NHP2: variants seen among roughly 807,000 people sequenced by gnomAD.
NHP2 encodes H/ACA ribonucleoprotein complex subunit 2.
NHP2 carries 10 observed loss-of-function variants against 16.7 expected under a neutral mutation model. The ratio of observed to expected loss-of-function variants is 0.60; its 90% CI spans 0.37 to 1.01. NHP2 has a LOEUF of 1.01. NHP2 is among the 50% of genes least tolerant of loss of function. The pLI is 0.01. For missense variants in NHP2, 184 were observed against 198.3 expected (o/e 0.93, Z 0.43); for synonymous variants, 87 against 78.9 (o/e 1.10, Z -0.54).
intron 2 of NHP2, 82 bp from the exon 3 acceptor site, chr5:178,151,075 G>T (rs1253532652): frequency 1.7e-6 from 2 of 1,195,682 alleles, no homozygotes; most frequent in African/African-American, 1.5e-5. Context: ...CTGGGTCTTA[G>T]GGATAGAGAC....
At chr5:178,150,016 G>C in intron 3 of NHP2, 178 bp from the exon 4 acceptor site, 1 of 626,680 alleles carries the variant, frequency 1.6e-6, no homozygotes, top group Non-Finnish European at 2.7e-6. Context: ...AGACTTTGAA[G>C]GCATGGTCCA....
At position 178,149,861 on chromosome 5, in the gene NHP2, G is replaced by T. The variant is rs1345679389; in HGVS notation, c.337-23C>A. 5 of 1,611,342 alleles carry T rather than the reference G, an allele frequency of 3.1e-6. No individual in the cohort carries two copies. In the African/African-American group the frequency reaches 6.7e-5, roughly 22 times the overall value. ...GTCCTACAGAGGGGAAAGAAGTGCTGTTTGGAAAAAAGCTGTACAACCTGT... is the reference window on the plus strand; with the variant it reads ...GTCCTACAGAGGGGAAAGAAGTGCTTTTTGGAAAAAAGCTGTACAACCTGT... On this transcript the variant is annotated intron_variant, in intron 3 of 3. Transcript: ENST00000274606.
At position 178,149,868 on chromosome 5, in the gene NHP2, A is replaced by G. The variant is rs770801671; in HGVS notation, c.337-30T>C. On this transcript the variant is annotated intron_variant, in intron 3 of 3. Transcript: ENST00000274606. ...AGAGGGGAAAGAAGTGCTGTTTGGAAAAAAGCTGTACAACCTGTATGCCAG... is the reference window on the plus strand; with the variant it reads ...AGAGGGGAAAGAAGTGCTGTTTGGAGAAAAGCTGTACAACCTGTATGCCAG... The G allele has an allele frequency of 6.2e-6, 10 of 1,605,366 alleles. No individual in the cohort carries two copies. The Admixed American group carries it at 6.8e-5, about 11-fold the overall frequency.
chr5:178,150,318 A>T (rs1756236675), intron 3 of NHP2: 1 of 232,678 alleles, frequency 4.3e-6, no homozygotes, highest in African/African-American at 2.3e-5. Context: ...GTTCCTTCAG[A>T]ACAGGGCCTC....
rs746209106 is a variant in NHP2, at chr5:178,151,003, G to T, written c.231-10C>A. On this transcript the variant is annotated splice_polypyrimidine_tract_variant and intron_variant, in intron 2 of 3. Coordinates refer to ENST00000274606, the MANE Select transcript of NHP2 (RefSeq NM_017838.4). ...TGCCAAAACCATGATCCTGAAATGA[G>T]AGAAAACACTGTCATCTCTGGCTTG... The T allele has an allele frequency of 1.2e-6, 2 of 1,601,698 alleles. No individual in the cohort carries two copies. Among genetic ancestry groups the T allele is most frequent in the East Asian group, 2.2e-5 (1 of 44,836 alleles).
chr5:178,151,888 T>A (rs776719852), intron 2 of NHP2, among the ~76,000 whole-genome samples: 1 of 152,104 alleles, frequency 6.6e-6, no homozygotes. Context: ...GTGGAAGTCA[T>A]GTGTCTCTAC....
intron 2 of NHP2, 91 bp downstream of exon 2, chr5:178,153,400 C>T (rs765859239): frequency 5.6e-5 from 75 of 1,335,002 alleles, no homozygotes; most frequent in Non-Finnish European, 7.7e-5. Context: ...GGGGCTAGGT[C>T]AGAGTTAACC....
rs552139090 is a variant in NHP2 at position 178,151,731 on chromosome 5, C to T, written c.231-738G>A. ...TCTCCTCTCAGGACCTTCTTCCTGG[C>T]TGACCGGAGCCACTGCCATGGGGTC... On this transcript the variant is annotated intron_variant, in intron 2 of 3. Transcript: ENST00000274606. 1.1e-4 allele frequency among the ~76,000 whole-genome samples: 16 copies of T among 152,268 alleles called. No homozygotes were observed. In the South Asian group the frequency reaches 3.3e-3, roughly 32 times the overall value.
intron 2 of NHP2, among the ~76,000 whole-genome samples, chr5:178,152,830 T>TA (rs1173886416): frequency 1.3e-5 from 2 of 152,226 alleles, no homozygotes; most frequent in Non-Finnish European, 2.9e-5. Context: ...CTCATGCCTG[T>TA]AATCCCAACG....
intron 3 of NHP2, 188 bp from the exon 4 acceptor site, chr5:178,150,026 A>T (rs927717469): frequency 1.2e-5 from 7 of 574,642 alleles, no homozygotes; most frequent in Non-Finnish European, 2.1e-5. Flanking sequence ...GGCATGGTCC[A>T]GCCACACAGG....
In NHP2 at chr5:178,149,805, TG is replaced by T. The variant is rs1175039504; in HGVS notation, c.369del (p.Thr124ProfsTer3). 6.2e-7 allele frequency: 1 copy of T among 1,613,768 alleles called. No individual in the cohort carries two copies. On this transcript the variant is annotated frameshift_variant, in exon 4 of 4. Coordinates refer to ENST00000274606, the MANE Select transcript of NHP2 (RefSeq NM_017838.4). LOFTEE classifies it high-confidence loss of function. ...TGGGGCTTGACCATTATCACACAGG[TG>T]GGGCGCTTGGAGCCTGCGGCTGCAC... ...DLGAAAGSKRPTCVIMVKPHE... is the reference protein window; with the variant it reads ...DLGAAAGSKRXTCVIMVKPHE...
At position 178,149,844 on chromosome 5, in the gene NHP2, G is replaced by A. The variant is rs781544363; in HGVS notation, c.337-6C>T. 23 of 1,613,228 alleles carry A rather than the reference G, an allele frequency of 1.4e-5. No individual in the cohort carries two copies. The South Asian group carries it at 2.0e-4, about 14-fold the overall frequency. The stretch of plus-strand genomic sequence containing the variant: ...CCTGCGGCTGCACCCAGGTCCTACA[G>A]AGGGGAAAGAAGTGCTGTTTGGAAA... On this transcript the variant is annotated splice_region_variant and splice_polypyrimidine_tract_variant and intron_variant, in intron 3 of 3. Coordinates refer to ENST00000274606, the MANE Select transcript of NHP2 (RefSeq NM_017838.4).
At chr5:178,151,592 C>A (rs1317393601) in intron 2 of NHP2, among the ~76,000 whole-genome samples, 1 of 152,216 alleles carries the variant, frequency 6.6e-6, no homozygotes, top group Non-Finnish European at 1.5e-5. Flanking sequence ...ACAGAGCCCT[C>A]GGCTGAAAGA....
chr5:178,151,000 TGA>T lies in NHP2; in HGVS notation c.231-9_231-8del, dbSNP rs768764529. 3 of 1,608,582 alleles carry T rather than the reference TGA, an allele frequency of 1.9e-6. No individual in the cohort carries two copies. The African/African-American group carries it at 4.0e-5, about 22-fold the overall frequency. ...TCCTGCCAAAACCATGATCCTGAAA[TGA>T]GAGAAAACACTGTCATCTCTGGCTT... On this transcript the variant is annotated splice_region_variant and splice_polypyrimidine_tract_variant and intron_variant, in intron 2 of 3. Coordinates refer to ENST00000274606, the MANE Select transcript of NHP2 (RefSeq NM_017838.4).
At chr5:178,153,384 G>A in intron 2 of NHP2, 107 bp downstream of exon 2, 1 of 1,125,796 alleles carries the variant, frequency 8.9e-7, no homozygotes, top group South Asian at 1.2e-5. Flanking sequence ...ATTGGCTTCT[G>A]TATATGGGGC....
At position 178,153,533 on chromosome 5, in the gene NHP2, C is replaced by G; in HGVS notation, c.188G>C (p.Gly63Ala). ...GACAAATTTCTGAACCTCTTTCACCCCGCGCCGAATCTGCTTCTGCTTCAC... is the reference window on the plus strand; with the variant it reads ...GACAAATTTCTGAACCTCTTTCACCGCGCGCCGAATCTGCTTCTGCTTCAC... ...KAVKQKQIRR[G>A]VKEVQKFVNK... Residue 63 changes from glycine to alanine, a missense_variant, in exon 2 of 4, where the codon GGG (glycine) becomes GCG (alanine). Transcript: ENST00000274606. 1 of 1,614,252 alleles carries G rather than the reference C, an allele frequency of 6.2e-7. No individual in the cohort carries two copies. Among genetic ancestry groups the G allele is most frequent in the East Asian group, 2.2e-5 (1 of 44,886 alleles).
Position 178,153,680 on chromosome 5 carries a change from C to G in NHP2, c.138G>C (p.Lys46Asn), listed in dbSNP as rs761328868. ...CACCTTTCTTGATGCATTTGTAGAG[C>G]TTCCGCGTGAGGCGGCGAGAAGCCA... ...QPLASRRLTR[K>N]LYKCIKKAVK... The change falls in exon 1 of 4, where the codon AAG (lysine) becomes AAC (asparagine). Residue 46 changes from lysine (K) to asparagine (N), a missense_variant. Transcript: ENST00000274606. 1.8e-5 allele frequency: 29 copies of G among 1,614,050 alleles called. No individual in the cohort carries two copies. Among genetic ancestry groups the G allele is most frequent in the Non-Finnish European group, 2.4e-5 (28 of 1,179,950 alleles).
At chr5:178,151,061 T>TG in intron 2 of NHP2, 68 bp from the exon 3 acceptor site, 2 of 1,360,534 alleles carry the variant, frequency 1.5e-6, no homozygotes, top group South Asian at 2.3e-5. Flanking sequence ...AGTGCTGCCC[T>TG]GGGCTGGGTC....
rs2113462671 is a variant in NHP2, at chr5:178,149,729, A to G, written c.446T>C (p.Leu149Pro). ...YDECLEEVQS[L>P]PLPL is the part of the protein sequence containing the mutation. ...CGGAGCCCCTCATAGGGGTAGGGGC[A>G]GGGACTGCACCTCCTCCAGGCACTC... The change falls in exon 4 of 4, where the codon CTG becomes CCG. Residue 149 changes from leucine (L) to proline (P), a missense_variant. Physicochemically the swap from Leu to Pro is moderately conservative, Grantham distance 98. Transcript: ENST00000274606. The G allele has an allele frequency of 6.2e-7, 1 of 1,613,966 alleles. No homozygotes were observed. The highest frequency in any genetic ancestry group is 1.3e-5 in the African/African-American group (1 of 75,058).
Sources: allele counts gnomAD v4.1 joint callset (sites outside exome capture counted in the v4.1 genomes callset), GRCh38; gene constraint gnomAD v4.1.1; transcripts MANE v1.5; gene names NCBI Gene and HGNC (gene_info 2026-07-23, HGNC 2026-07-21).